The following GALNTL6 variants were observed in gnomAD, a reference collection of about 807,000 sequenced individuals.
GALNTL6 encodes the protein polypeptide N-acetylgalactosaminyltransferase like 6, also known as polypeptide N-acetylgalactosaminyltransferase-like 6.
In GALNTL6, 46 loss-of-function variants were observed where a neutral mutation model predicts 73.7. That is an observed-to-expected ratio of 0.62 (90% CI 0.49 to 0.80). GALNTL6 has a LOEUF of 0.80. Among genes scored for constraint, GALNTL6 ranks in the 30% least tolerant of loss-of-function variants. GALNTL6 has a pLI of 0.00. For missense variants in GALNTL6, 604 were observed against 755.0 expected, an observed-to-expected ratio of 0.80 and a Z score of 2.34; for synonymous variants, 259 against 263.7, an observed-to-expected ratio of 0.98 and a Z score of 0.17.
intron 9 of GALNTL6, among the ~76,000 whole-genome samples, chr4:172,946,504 C>T (rs978719151): frequency 1.3e-5 from 2 of 152,148 alleles, no homozygotes; most frequent in African/African-American, 2.4e-5. Flanking sequence ...ATCAGTCAAG[C>T]TGGAAATCTG....
At chr4:173,029,425 A>G (rs1753367333) in intron 12 of GALNTL6, among the ~76,000 whole-genome samples, 1 of 152,110 alleles carries the variant, frequency 6.6e-6, no homozygotes, top group Non-Finnish European at 1.5e-5. Context: ...ATTTGAACCC[A>G]CCTCCATCTC....
chr4:171,932,335 CT>C (rs1411279220), intron 2 of GALNTL6, among the ~76,000 whole-genome samples: 1 of 152,118 alleles, frequency 6.6e-6, no homozygotes, highest in African/African-American at 2.4e-5. Context: ...TGGTACGTGC[CT>C]TTTTTTCCGT....
intron 5 of GALNTL6, among the ~76,000 whole-genome samples, chr4:172,679,222 G>A (rs1433207086): frequency 6.6e-6 from 1 of 152,156 alleles, no homozygotes; most frequent in East Asian, 1.9e-4. Context: ...AACCAGCCTG[G>A]CCAACATGGT....
intron 4 of GALNTL6, among the ~76,000 whole-genome samples, chr4:172,313,634 A>G (rs1740442083): frequency 6.6e-6 from 1 of 152,172 alleles, no homozygotes; most frequent in Non-Finnish European, 1.5e-5. Flanking sequence ...AAATTCTGAA[A>G]TTTTTATTAG....
intron 5 of GALNTL6, among the ~76,000 whole-genome samples, chr4:172,426,058 A>T (rs1288047787): frequency 2.0e-5 from 3 of 152,014 alleles, no homozygotes; most frequent in Non-Finnish European, 4.4e-5. Flanking sequence ...TATTTATCAC[A>T]TGGTGGCATG....
chr4:172,754,323 C>G (rs1287309979), intron 5 of GALNTL6, among the ~76,000 whole-genome samples: 1 of 152,136 alleles, frequency 6.6e-6, no homozygotes, highest in African/African-American at 2.4e-5. Flanking sequence ...GTAATCCTAG[C>G]ACTTTGGAAG....
chr4:171,879,980 A>C (rs930200110), intron 2 of GALNTL6, among the ~76,000 whole-genome samples: 1 of 152,178 alleles, frequency 6.6e-6, no homozygotes, highest in Non-Finnish European at 1.5e-5. Context: ...TTAATAAACA[A>C]CCATTATTGA....
chr4:172,543,137 C>T (rs1579171811), intron 5 of GALNTL6, among the ~76,000 whole-genome samples: 1 of 152,058 alleles, frequency 6.6e-6, no homozygotes, highest in African/African-American at 2.4e-5. Flanking sequence ...ATCATTAAAC[C>T]GGAATGCGAT....
intron 2 of GALNTL6, among the ~76,000 whole-genome samples, chr4:171,834,025 A>G (rs1005568182): frequency 2.0e-4 from 31 of 151,804 alleles, no homozygotes; most frequent in Non-Finnish European, 1.3e-4. Flanking sequence ...TCTTTGAAAA[A>G]TAAAAAAAAA....
At chr4:172,026,803 C>T (rs573459164) in intron 2 of GALNTL6, among the ~76,000 whole-genome samples, 168 of 152,264 alleles carry the variant, frequency 1.1e-3, no homozygotes, top group African/African-American at 3.9e-3. Context: ...GGCACAGTTA[C>T]TGTTACCTAT....
chr4:172,156,540 A>ACT (rs58197299), intron 2 of GALNTL6, among the ~76,000 whole-genome samples: 21 of 125,164 alleles, frequency 1.7e-4, no homozygotes, highest in East Asian at 1.5e-3. Flanking sequence ...ATATATATAT[A>ACT]ATATATATAT....
chr4:172,491,357 C>A (rs337982), intron 5 of GALNTL6, among the ~76,000 whole-genome samples: 150,691 of 152,090 alleles, frequency 0.99, 74,674 homozygotes, highest in Middle Eastern at 1. Context: ...CAAACAAAAA[C>A]AAAAGGTGAG....
intron 3 of GALNTL6, among the ~76,000 whole-genome samples, chr4:172,236,165 T>C (rs1029590094): frequency 1.3e-5 from 2 of 152,240 alleles, no homozygotes; most frequent in Admixed American, 1.3e-4. Flanking sequence ...GTATTTGCTT[T>C]TCTTTCAGTA....
chr4:172,990,010 G>A lies in GALNTL6; in HGVS notation c.1372-19168G>A, dbSNP rs531421936. On this transcript the variant is annotated intron_variant, in intron 10 of 12. Transcript: ENST00000506823. ...TATCTCTCCTCTTGAGCCTGGGCCC[G>A]TCAAAAATTATTTACCACAGGTCAG... Among the ~76,000 whole-genome samples the A allele has an allele frequency of 1.3e-3, 198 of 152,186 alleles. 1 individual carries two copies. Among genetic ancestry groups the A allele is most frequent in the Non-Finnish European group, 2.3e-3 (158 of 68,004 alleles).
At chr4:173,004,448 G>A (rs1752183307) in intron 10 of GALNTL6, among the ~76,000 whole-genome samples, 1 of 152,158 alleles carries the variant, frequency 6.6e-6, no homozygotes, top group Admixed American at 6.5e-5. Flanking sequence ...CCAACATGAT[G>A]AAACCGCATC....
chr4:172,572,650 C>T (rs897628796), intron 5 of GALNTL6, among the ~76,000 whole-genome samples: 1 of 152,174 alleles, frequency 6.6e-6, no homozygotes, highest in Non-Finnish European at 1.5e-5. Flanking sequence ...CCAACCGTCT[C>T]AAACCAATTT....
intron 5 of GALNTL6, among the ~76,000 whole-genome samples, chr4:172,768,910 T>C (rs1738596419): frequency 6.6e-6 from 1 of 152,072 alleles, no homozygotes; most frequent in African/African-American, 2.4e-5. Flanking sequence ...CCTGTCTGTA[T>C]TGTTCCTGTC....
intron 7 of GALNTL6, among the ~76,000 whole-genome samples, chr4:172,843,351 A>G (rs956402688): frequency 1.3e-5 from 2 of 152,154 alleles, no homozygotes. Flanking sequence ...TTGATATTTG[A>G]GAGTGGCTTC....
rs757702909 is a variant in GALNTL6 at position 171,814,712 on chromosome 4, G to A, written c.132G>A (p.Glu44=). The A allele has an allele frequency of 1.9e-6, 3 of 1,613,874 alleles. No homozygotes were observed. The part of the protein sequence containing the change: ...KHLVKSAEPG[E]QQTFPLGLGD... ...TGGTGAAGTCAGCGGAGCCCGGGGA[G>A]CAGCAGGTAAGTGCCACCCAGAGAA... Residue 44 remains glutamate, a synonymous_variant, in exon 2 of 13, where the codon GAG becomes GAA. Transcript: ENST00000506823.
Sources: allele counts gnomAD v4.1 joint callset (sites outside exome capture counted in the v4.1 genomes callset), GRCh38; gene constraint gnomAD v4.1.1; transcripts MANE v1.5; gene names NCBI Gene and HGNC (gene_info 2026-07-23, HGNC 2026-07-21).